PPARGC1A: variants seen among roughly 807,000 people sequenced by gnomAD.
PPARGC1A encodes the protein PPARG coactivator 1 alpha.
In PPARGC1A, 25 loss-of-function variants were observed where a neutral mutation model predicts 88.7. The ratio of observed to expected loss-of-function variants is 0.28; its 90% CI spans 0.21 to 0.39. The LOEUF (loss-of-function observed/expected upper bound fraction) is 0.39. PPARGC1A is among the 10% of genes least tolerant of loss of function. The pLI, the probability that PPARGC1A is intolerant of heterozygous loss-of-function variation, is 1.00. For synonymous variants in PPARGC1A, 363 were observed against 355.6 expected (o/e 1.02, Z -0.24); for missense variants, 880 against 968.7 (o/e 0.91, Z 1.22).
At chr4:24,002,097 C>CACAGAGAGAG in the PPARGC1A span, among the ~76,000 whole-genome samples, 295 of 125,368 alleles carry the variant, frequency 2.4e-3, no homozygotes, top group African/African-American at 8.8e-3. Flanking sequence ...CACACACACA[C>CACAGAGAGAG]AGAGAGAGAG....
At chr4:23,805,177 TGA>T (rs1278046015) in intron 10 of PPARGC1A, among the ~76,000 whole-genome samples, 1 of 151,882 alleles carries the variant, frequency 6.6e-6, no homozygotes, top group Non-Finnish European at 1.5e-5. Flanking sequence ...CCTTCTTCTC[TGA>T]GACTCTCCAA....
At chr4:24,228,549 T>TCG in the PPARGC1A span, among the ~76,000 whole-genome samples, 6 of 152,030 alleles carry the variant, frequency 3.9e-5, no homozygotes, top group African/African-American at 1.4e-4. Context: ...GGTACTATGC[T>TCG]CGGTACGTGG....
the PPARGC1A span, among the ~76,000 whole-genome samples, chr4:24,339,263 CACAT>C: frequency 6.7e-6 from 1 of 149,434 alleles, no homozygotes; most frequent in African/African-American, 2.5e-5. Context: ...CACACACACA[CACAT>C]CAGAATTCCA....
chr4:24,088,987 C>T, the PPARGC1A span, among the ~76,000 whole-genome samples: 1 of 152,178 alleles, frequency 6.6e-6, no homozygotes, highest in Non-Finnish European at 1.5e-5. Context: ...TTCTAGACTT[C>T]TGACAAGGAT....
chr4:24,019,093 A>G, the PPARGC1A span, among the ~76,000 whole-genome samples: 9 of 152,264 alleles, frequency 5.9e-5, no homozygotes, highest in South Asian at 1.0e-3. Flanking sequence ...TATCATCCAC[A>G]TGGTTCTTAA....
At chr4:24,331,785 A>ATT in the PPARGC1A span, among the ~76,000 whole-genome samples, 30 of 150,460 alleles carry the variant, frequency 2.0e-4, no homozygotes, top group Middle Eastern at 3.4e-3. Flanking sequence ...ATATATATAT[A>ATT]TTTTAAGTTC....
chr4:24,096,197 G>A, the PPARGC1A span, among the ~76,000 whole-genome samples: 5 of 152,142 alleles, frequency 3.3e-5, no homozygotes, highest in African/African-American at 7.2e-5. Context: ...CGAAGAAGGC[G>A]CTTGCTTCCC....
chr4:23,824,962 A>G (rs1039359432), intron 5 of PPARGC1A, among the ~76,000 whole-genome samples: 2 of 152,154 alleles, frequency 1.3e-5, no homozygotes, highest in African/African-American at 2.4e-5. Flanking sequence ...CTATGAGGCC[A>G]AAGCTCATGC....
the PPARGC1A span, among the ~76,000 whole-genome samples, chr4:24,344,845 G>C: frequency 1.3e-5 from 2 of 152,032 alleles, no homozygotes; most frequent in Non-Finnish European, 2.9e-5. Flanking sequence ...ATGTCTAGAA[G>C]GGTTTTTCCA....
chr4:23,859,896 A>C (rs1329562490), intron 2 of PPARGC1A, among the ~76,000 whole-genome samples: 2 of 152,154 alleles, frequency 1.3e-5, no homozygotes, highest in Non-Finnish European at 1.5e-5. Flanking sequence ...AGCCTGGTCA[A>C]TAAGGAATAT....
At chr4:23,960,352 A>T in the PPARGC1A span, among the ~76,000 whole-genome samples, 1 of 152,138 alleles carries the variant, frequency 6.6e-6, no homozygotes, top group Non-Finnish European at 1.5e-5. Flanking sequence ...TCTACATCAC[A>T]CAGAACAGCC....
chr4:24,198,289 T>A, the PPARGC1A span, among the ~76,000 whole-genome samples: 16 of 152,332 alleles, frequency 1.1e-4, no homozygotes, highest in South Asian at 2.9e-3. Context: ...TATGCATTCA[T>A]CTCAAACTAC....
chr4:23,928,399 C>T, the PPARGC1A span, among the ~76,000 whole-genome samples: 2 of 152,088 alleles, frequency 1.3e-5, no homozygotes, highest in Non-Finnish European at 2.9e-5. Context: ...CAATGAGATA[C>T]CATCTCACGC....
the PPARGC1A span, among the ~76,000 whole-genome samples, chr4:24,387,918 G>GA: frequency 1.7e-4 from 2 of 11,854 alleles, no homozygotes; most frequent in South Asian, 0.014. Flanking sequence ...AAGAAAGAAA[G>GA]AAAGAAAGAA....
At chr4:23,949,404 G>A in the PPARGC1A span, among the ~76,000 whole-genome samples, 2 of 152,234 alleles carry the variant, frequency 1.3e-5, no homozygotes, top group Admixed American at 1.3e-4. Context: ...ACAGGTAGCG[G>A]CTGGCTATAG....
chr4:24,380,586 A>G, the PPARGC1A span, among the ~76,000 whole-genome samples: 1 of 152,132 alleles, frequency 6.6e-6, no homozygotes, highest in Non-Finnish European at 1.5e-5. Context: ...TCTGACTTCA[A>G]CAAGCAGAGG....
At chr4:24,425,793 T>A in the PPARGC1A span, among the ~76,000 whole-genome samples, 2 of 152,220 alleles carry the variant, frequency 1.3e-5, no homozygotes, top group Non-Finnish European at 2.9e-5. Context: ...GGGAGAGAAT[T>A]CACATCTAGG....
At chr4:24,124,522 G>T in the PPARGC1A span, among the ~76,000 whole-genome samples, 1 of 152,174 alleles carries the variant, frequency 6.6e-6, no homozygotes, top group African/African-American at 2.4e-5. Context: ...TGCAATCTGG[G>T]TGTCATTTCA....
At chr4:23,918,086 T>C in the PPARGC1A span, among the ~76,000 whole-genome samples, 3 of 152,226 alleles carry the variant, frequency 2.0e-5, no homozygotes, top group African/African-American at 7.2e-5. Flanking sequence ...CTTTCACCTG[T>C]TCAAGGCTAC....
Sources: allele counts gnomAD v4.1 joint callset (sites outside exome capture counted in the v4.1 genomes callset), GRCh38; gene constraint gnomAD v4.1.1; transcripts MANE v1.5; gene names NCBI Gene and HGNC (gene_info 2026-07-23, HGNC 2026-07-21).